Variants in TUBGCP6 observed in about 807,000 individuals in gnomAD.
TUBGCP6 encodes the protein gamma-tubulin complex component 6.
A neutral mutation model predicts 175.8 loss-of-function variants in TUBGCP6; 161 were observed. That is an observed-to-expected ratio of 0.92 (90% CI 0.81 to 1.04). The LOEUF is 1.04. Among genes scored for constraint, TUBGCP6 ranks in the 50% least tolerant of loss-of-function variants. TUBGCP6 has a pLI of 0.00. For synonymous variants in TUBGCP6, 1,173 were observed against 1,030.5 expected, an observed-to-expected ratio of 1.14 and a Z score of -2.65; for missense variants, 2,572 against 2,433.0, an observed-to-expected ratio of 1.06 and a Z score of -1.20.
In TUBGCP6 at chr22:50,220,759, C is replaced by T. The variant is rs768630291; in HGVS notation, c.3600G>A (p.Glu1200=). The T allele has an allele frequency of 2.2e-5, 35 of 1,603,384 alleles. No individual in the cohort carries two copies. Among genetic ancestry groups the T allele is most frequent in the Non-Finnish European group, 2.3e-5 (27 of 1,176,928 alleles). Residue 1200 remains glutamate, a synonymous_variant, in exon 16 of 25, where the codon GAG becomes GAA. Transcript: ENST00000248846. ...HVSDASISLG[E]SVSDMAPTRP... ...GGGTGGGAGCCATGTCTGACACAGA[C>T]TCCCCCAAGCTGATGCTGGCATCAG... is the stretch of plus-strand genomic sequence containing the variant.
rs34562250 is a variant in TUBGCP6, at chr22:50,218,796, G to C, written c.4728C>G (p.His1576Gln). 2.5e-6 allele frequency: 4 copies of C among 1,614,104 alleles called. No homozygotes were observed. Among genetic ancestry groups the C allele is most frequent in the South Asian group, 1.1e-5 (1 of 91,088 alleles). The change falls in exon 21 of 25, where the codon CAC becomes CAG. Residue 1576 changes from histidine to glutamine, a missense_variant. Physicochemically the swap from His to Gln is conservative, Grantham distance 24 (BLOSUM62 0). Transcript: ENST00000248846. The part of the protein sequence containing the change: ...LQCSLHGDTP[H>Q]ASNLSLALKY... ...TGAGAGCGAGGGAGAGGTTGGAGGC[G>C]TGCGGGGTGTCCCCATGCAGGCTGC...
At chr22:50,228,067 A>G in intron 4 of TUBGCP6, 39 bp from the exon 5 acceptor site, 1 of 1,502,250 alleles carries the variant, frequency 6.7e-7, no homozygotes, top group Non-Finnish European at 8.9e-7. Flanking sequence ...GGCCAGGCAC[A>G]TGGACGCAGC....
intron 13 of TUBGCP6, 127 bp downstream of exon 13, chr22:50,224,014 G>T: frequency 1.2e-6 from 1 of 808,528 alleles, no homozygotes; most frequent in African/African-American, 1.7e-5. Flanking sequence ...CAGCATATTG[G>T]TCTTTCTACC....
chr22:50,238,514 C>T (rs1266856330), intron 2 of TUBGCP6, among the ~76,000 whole-genome samples: 1 of 147,382 alleles, frequency 6.8e-6, no homozygotes, highest in Non-Finnish European at 1.5e-5. Context: ...CAGAATAAAG[C>T]AATAACTTGT....
At chr22:50,239,283 T>A (rs752271225) in intron 2 of TUBGCP6, among the ~76,000 whole-genome samples, 2 of 152,200 alleles carry the variant, frequency 1.3e-5, no homozygotes, top group Non-Finnish European at 2.9e-5. Flanking sequence ...TTCAAGTGAT[T>A]CTTGTGCCTC....
Position 50,219,970 on chromosome 22 carries a change from G to T in TUBGCP6, c.4154C>A (p.Pro1385His), listed in dbSNP as rs765081479. Residue 1385 changes from proline (P) to histidine (H), a missense_variant, in exon 17 of 25, where the codon CCT (proline) becomes CAT (histidine). Pro to His is a moderately conservative substitution (Grantham distance 77). Transcript: ENST00000248846. ...GDTEDLSPNW[P>H]LNSQEDTAAQ... Reference sequence around the variant, plus strand: ...CATCCACCTAACCTGTGAGTTGAGAGGCCAATTTGGAGAGAGGTCCTCAGT... The same window carrying T: ...CATCCACCTAACCTGTGAGTTGAGATGCCAATTTGGAGAGAGGTCCTCAGT... The T allele has an allele frequency of 1.9e-6, 3 of 1,614,032 alleles. No individual in the cohort carries two copies. The highest frequency in any genetic ancestry group is 2.2e-5 in the South Asian group (2 of 91,048).
intron 17 of TUBGCP6, 58 bp from the exon 18 acceptor site, chr22:50,219,849 C>CTTGCT: frequency 6.2e-7 from 1 of 1,603,614 alleles, no homozygotes; most frequent in African/African-American, 1.3e-5. Context: ...CCACAACCAG[C>CTTGCT]TTGTGCCAAA....
intron 2 of TUBGCP6, among the ~76,000 whole-genome samples, chr22:50,233,938 TGTCCATGGCAGCATCCACACCCAG>T (rs935946571): frequency 7.2e-5 from 11 of 152,076 alleles, no homozygotes; most frequent in African/African-American, 1.9e-4. Flanking sequence ...ATCTACACCC[TGTCCATGGCAGCATCCACACCCAG>T]GTCCATGGCA....
chr22:50,225,058 C>CCT (rs964849029), intron 10 of TUBGCP6, among the ~76,000 whole-genome samples: 2 of 138,502 alleles, frequency 1.4e-5, no homozygotes, highest in Non-Finnish European at 3.1e-5. Context: ...ACCGCCCCCC[C>CCT]GCCCACCCTC....
In TUBGCP6 at chr22:50,224,565, C is replaced by T. The variant is rs2064578187; in HGVS notation, c.2011G>A (p.Glu671Lys). 2 of 1,614,102 alleles carry T rather than the reference C, an allele frequency of 1.2e-6. No homozygotes were observed. Among genetic ancestry groups the T allele is most frequent in the South Asian group, 1.1e-5 (1 of 91,084 alleles). The change falls in exon 11 of 25, where the codon GAA (glutamate) becomes AAA (lysine). Residue 671 changes from glutamate (E) to lysine (K), a missense_variant. Transcript: ENST00000248846. ...KELRMEIAKQ[E>K]LIAHAREAAS... ...GCTTCCCGGGCATGAGCGATTAATT[C>T]TTGTTTTGCAATTTCCATACGTAAT...
chr22:50,240,271 C>T lies in TUBGCP6; in HGVS notation c.838G>A (p.Val280Met), dbSNP rs201399776. The change falls in exon 2 of 25, where the codon GTG (valine) becomes ATG (methionine). Residue 280 changes from valine (V) to methionine (M), a missense_variant. Coordinates refer to ENST00000248846, the MANE Select transcript of TUBGCP6 (RefSeq NM_020461.4). ...GTAAGTGCGGCTTCCCACAGGTCCA[C>T]GTCTGGGGTCACGCTGGGCTCAGAC... ...SQSEPSVTPD[V>M]DLWEAALTYE... 5.6e-6 allele frequency: 9 copies of T among 1,614,032 alleles called. No individual in the cohort carries two copies. In the East Asian group the frequency reaches 1.1e-4, roughly 20 times the overall value.
Position 50,244,769 on chromosome 22 carries a change from C to T in TUBGCP6, c.-310G>A. On this transcript the variant is annotated 5_prime_UTR_variant, in exon 1 of 25. Transcript: ENST00000248846. ...AGGGAGTCACAGAACCGTGGCAAAA[C>T]CGAAGAACGAAACGCGCGCCCGCGC... 2 of 347,386 alleles carry T rather than the reference C, an allele frequency of 5.8e-6. No individual in the cohort carries two copies. The highest frequency in any genetic ancestry group is 8.7e-5 in the South Asian group (2 of 23,050). 21.5% of individuals were successfully genotyped at this position (347,386 alleles called of 1,614,324 possible).
chr22:50,234,947 A>T (rs1208724646), intron 2 of TUBGCP6, among the ~76,000 whole-genome samples: 1 of 131,248 alleles, frequency 7.6e-6, no homozygotes, highest in Non-Finnish European at 1.6e-5. Flanking sequence ...CATCGCCCAC[A>T]CTCCCGTCCA....
intron 15 of TUBGCP6, 47 bp from the exon 16 acceptor site, chr22:50,221,921 A>G (rs375403073): frequency 4.5e-6 from 7 of 1,552,442 alleles, no homozygotes. Context: ...AGGACCCCCC[A>G]GCCCTCGAAC....
Position 50,243,773 on chromosome 22 carries a change from T to C in TUBGCP6, c.687A>G (p.Arg229=). 1 of 1,613,390 alleles carries C rather than the reference T, an allele frequency of 6.2e-7. No individual in the cohort carries two copies. Among genetic ancestry groups the C allele is most frequent in the Non-Finnish European group, 8.5e-7 (1 of 1,179,932 alleles). ...TGTCTGGCACGGGGGGCAGGCCCAGTCGGACGTCCATGTCATAAGTGCGGC... is the reference window on the plus strand; with the variant it reads ...TGTCTGGCACGGGGGGCAGGCCCAGCCGGACGTCCATGTCATAAGTGCGGC... ...VHSRTYDMDV[R]LGLPPVPDNA... Residue 229 remains arginine (R), a synonymous_variant, in exon 1 of 25, where the codon CGA becomes CGG. Coordinates refer to ENST00000248846, the MANE Select transcript of TUBGCP6 (RefSeq NM_020461.4).
rs777321029 is a variant in TUBGCP6, at chr22:50,227,888, C to T, written c.1412+19G>A. The T allele has an allele frequency of 7.6e-6, 12 of 1,568,790 alleles. No homozygotes were observed. The Admixed American group carries it at 1.1e-4, about 15-fold the overall frequency. ...CGCTCCCGCAAAGTCCCCTGCTCAGCCGCCATGCTGAGGCTCACCTGAGCT... is the reference window on the plus strand; with the variant it reads ...CGCTCCCGCAAAGTCCCCTGCTCAGTCGCCATGCTGAGGCTCACCTGAGCT... On this transcript the variant is annotated intron_variant, in intron 5 of 24. Coordinates refer to ENST00000248846, the MANE Select transcript of TUBGCP6 (RefSeq NM_020461.4).
In TUBGCP6 at chr22:50,218,541, A is replaced by T. The variant is rs746228757; in HGVS notation, c.4901T>A (p.Leu1634Gln). 3.1e-6 allele frequency: 5 copies of T among 1,613,724 alleles called. No individual in the cohort carries two copies. Among genetic ancestry groups the T allele is most frequent in the Non-Finnish European group, 4.2e-6 (5 of 1,179,974 alleles). The change falls in exon 22 of 25, where the codon CTG becomes CAG. Residue 1634 changes from leucine to glutamine, a missense_variant. Coordinates refer to ENST00000248846, the MANE Select transcript of TUBGCP6 (RefSeq NM_020461.4). ...CTTGAGCGCCCACATCATGAGCTTCAGCTGCAGCAGGAAGGAGAAGACGCC... is the reference window on the plus strand; with the variant it reads ...CTTGAGCGCCCACATCATGAGCTTCTGCTGCAGCAGGAAGGAGAAGACGCC... ...YSGVFSFLLQ[L>Q]KLMMWALKDV... is the part of the protein sequence containing the mutation.
rs35669469 is a variant in TUBGCP6 at position 50,231,081 on chromosome 22, CAAAAAAAA to C, written c.1117-1512_1117-1505del. Among the ~76,000 whole-genome samples, 14 of 22,822 alleles carry C rather than the reference CAAAAAAAA, an allele frequency of 6.1e-4. No individual in the cohort carries two copies. The East Asian group carries it at 0.016, about 26-fold the overall frequency. The allele number at this position is 22,822 out of a possible 152,430, so 15.0% of individuals were successfully genotyped here. The stretch of plus-strand genomic sequence containing the variant: ...TGGGCAACAGAGCGAGACTCTATCT[CAAAAAAAA>C]AAAAAAAAAAAAAAAAGCAGTTAAA... On this transcript the variant is annotated intron_variant, in intron 3 of 24. Transcript: ENST00000248846.
chr22:50,219,299 C>T lies in TUBGCP6; in HGVS notation c.4473G>A (p.Pro1491=), dbSNP rs553272855. The T allele has an allele frequency of 1.0e-4, 164 of 1,603,242 alleles. No homozygotes were observed. The highest frequency in any genetic ancestry group is 1.7e-4 in the Middle Eastern group (1 of 5,930). The change falls in exon 19 of 25, where the codon CCG becomes CCA. Residue 1491 remains proline, a synonymous_variant. Coordinates refer to ENST00000248846, the MANE Select transcript of TUBGCP6 (RefSeq NM_020461.4). ...PVLMKRSITA[P]LAAHISLVNK... is the part of the protein sequence containing the mutation. ...GCAGGGGCACTCACTGGGCGGCCAG[C>T]GGTGCCGTGATGGAGCGCTTCATGA... is the stretch of plus-strand genomic sequence containing the variant.
Sources: gnomAD v4.1 joint callset for allele counts (sites outside exome capture counted in the v4.1 genomes callset) on GRCh38, gnomAD v4.1.1 for gene constraint, MANE v1.5 for transcripts, NCBI Gene and HGNC (gene_info 2026-07-23, HGNC 2026-07-21) for gene names.